Variants in ELMOD3 observed in about 807,000 individuals in gnomAD.
ELMOD3 encodes the protein ELMO domain containing 3.
A neutral mutation model predicts 47.4 loss-of-function variants in ELMOD3; 36 were observed. That is an observed-to-expected ratio of 0.76 (90% CI 0.58 to 1.00). The LOEUF (loss-of-function observed/expected upper bound fraction) is 1.00. Among genes scored for constraint, ELMOD3 ranks in the 50% least tolerant of loss-of-function variants. The probability of loss-of-function intolerance (pLI) is 0.00; values close to 1 mark genes in which losing one functional copy is unlikely to be tolerated. For synonymous variants in ELMOD3, 149 were observed against 183.5 expected (o/e 0.81, Z 1.52); for missense variants, 404 against 463.8 (o/e 0.87, Z 1.18).
intron 6 of ELMOD3, chr2:85,367,482 G>A (rs1037864577): frequency 1.3e-5 from 2 of 152,240 alleles, no homozygotes; most frequent in Non-Finnish European, 2.9e-5. Context: ...CTGGGGCAAA[G>A]CTAGAGAGGT....
intron 11 of ELMOD3, among the ~76,000 whole-genome samples, chr2:85,380,561 G>A (rs1259587795): frequency 7.3e-6 from 1 of 137,668 alleles, no homozygotes; most frequent in Non-Finnish European, 1.7e-5. Flanking sequence ...CTCTTGCTCT[G>A]TCGCGCAGGG....
chr2:85,371,422 G>A lies in ELMOD3; in HGVS notation c.485-18G>A. 1 of 1,614,042 alleles carries A rather than the reference G, an allele frequency of 6.2e-7. No homozygotes were observed. The highest frequency in any genetic ancestry group is 8.5e-7 in the Non-Finnish European group (1 of 1,179,956). ...TGAGGGGCAATCTGGCAGAGAGTGT[G>A]GGTGTGTTTTGGGGCAGGTGGCCTG... On this transcript the variant is annotated intron_variant, in intron 9 of 13. Coordinates refer to ENST00000409013, the MANE Select transcript of ELMOD3 (RefSeq NM_001135022.2).
intron 11 of ELMOD3, among the ~76,000 whole-genome samples, chr2:85,382,080 G>A (rs1164172904): frequency 7.6e-6 from 1 of 131,880 alleles, no homozygotes; most frequent in East Asian, 2.2e-4. Flanking sequence ...TCTTGCCACT[G>A]CACTCCAGCC....
At position 85,390,141 on chromosome 2, in the gene ELMOD3, G is replaced by C. The variant is rs1197900923; in HGVS notation, c.819G>C (p.Glu273Asp). ...TCACCTTGCCTTTTTCCTGCAGAGA[G>C]TGTAATCGGCAGCAGAAGGTCATCC... is the stretch of plus-strand genomic sequence containing the variant. The part of the protein sequence containing the change: ...QALREECLSR[E>D]CNRQQKVIPV... The change falls in exon 13 of 14, where the codon GAG becomes GAC. Residue 273 changes from glutamate to aspartate, a missense_variant. Coordinates refer to ENST00000409013, the MANE Select transcript of ELMOD3 (RefSeq NM_001135022.2). 2 of 1,613,858 alleles carry C rather than the reference G, an allele frequency of 1.2e-6. No homozygotes were observed. Among genetic ancestry groups the C allele is most frequent in the South Asian group, 1.1e-5 (1 of 91,074 alleles).
At chr2:85,378,541 G>C (rs1461347495) in intron 11 of ELMOD3, among the ~76,000 whole-genome samples, 1 of 152,186 alleles carries the variant, frequency 6.6e-6, no homozygotes, top group African/African-American at 2.4e-5. Flanking sequence ...GCAGGGAGGG[G>C]ACTTTCAGGT....
chr2:85,380,252 T>C (rs1384673268), intron 11 of ELMOD3, among the ~76,000 whole-genome samples: 2 of 152,252 alleles, frequency 1.3e-5, no homozygotes, highest in Non-Finnish European at 1.5e-5. Flanking sequence ...ATTTTGGTCA[T>C]AGCAGTATAC....
chr2:85,359,342 A>G (rs540141745), intron 4 of ELMOD3, among the ~76,000 whole-genome samples: 1 of 151,074 alleles, frequency 6.6e-6, no homozygotes, highest in Non-Finnish European at 1.5e-5. Flanking sequence ...GCCAATGTAC[A>G]TGTTATCAGA....
intron 11 of ELMOD3, 129 bp from the exon 12 acceptor site, chr2:85,389,622 G>A: frequency 1.5e-6 from 1 of 682,552 alleles, no homozygotes; most frequent in East Asian, 2.7e-5. Context: ...GGAAAATTAA[G>A]TGGAAGCAAT....
intron 6 of ELMOD3, among the ~76,000 whole-genome samples, chr2:85,367,109 A>G (rs1423545117): frequency 1.3e-5 from 2 of 152,132 alleles, no homozygotes; most frequent in Non-Finnish European, 2.9e-5. Context: ...TCATTCATTC[A>G]TCAAACATTT....
At chr2:85,363,953 C>A (rs1049029980) in intron 6 of ELMOD3, among the ~76,000 whole-genome samples, 1 of 152,034 alleles carries the variant, frequency 6.6e-6, no homozygotes, top group Non-Finnish European at 1.5e-5. Flanking sequence ...AACCACATCA[C>A]CGTCTCTACT....
In ELMOD3 at chr2:85,369,815, C is replaced by T; in HGVS notation, c.345C>T (p.Asp115=). 1 of 1,614,040 alleles carries T rather than the reference C, an allele frequency of 6.2e-7. No homozygotes were observed. Among genetic ancestry groups the T allele is most frequent in the Non-Finnish European group, 8.5e-7 (1 of 1,179,954 alleles). ...CCCTGCAGCACTTCCAGACTGTGGA[C>T]CTTTCCCCCTTCAAGGTATGAGGGT... ...SEALQHFQTV[D]LSPFKKRIQP... The change falls in exon 8 of 14, where the codon GAC becomes GAT. Residue 115 remains aspartate (D), a synonymous_variant. Coordinates refer to ENST00000409013, the MANE Select transcript of ELMOD3 (RefSeq NM_001135022.2).
In ELMOD3 at chr2:85,356,973, G is replaced by T; in HGVS notation, c.-226G>T. The T allele has an allele frequency of 2.5e-6, 1 of 402,650 alleles. No individual in the cohort carries two copies. Among genetic ancestry groups the T allele is most frequent in the Non-Finnish European group, 4.4e-6 (1 of 227,088 alleles). 24.9% of individuals were successfully genotyped at this position (402,650 alleles called of 1,614,324 possible). On this transcript the variant is annotated 5_prime_UTR_variant, in exon 4 of 14. It adds an upstream start codon to the 5' untranslated region. Transcript: ENST00000409013. ...TTTTTTTTCTTTTGTGCAGAGCTGA[G>T]GCTTCGAAGACCTCAGAGGACTTCT...
chr2:85,364,102 C>T (rs561206127), intron 6 of ELMOD3, among the ~76,000 whole-genome samples: 1 of 152,040 alleles, frequency 6.6e-6, no homozygotes, highest in South Asian at 2.1e-4. Flanking sequence ...GCACCCATAC[C>T]TGGCCACTAG....
intron 4 of ELMOD3, among the ~76,000 whole-genome samples, chr2:85,361,232 G>T (rs1438218150): frequency 6.6e-6 from 1 of 152,190 alleles, no homozygotes; most frequent in Non-Finnish European, 1.5e-5. Flanking sequence ...CTGTAGCAGG[G>T]GATAGGTTTG....
intron 10 of ELMOD3, among the ~76,000 whole-genome samples, chr2:85,375,322 A>C (rs961330378): frequency 2.0e-5 from 3 of 152,090 alleles, no homozygotes; most frequent in African/African-American, 7.2e-5. Context: ...ATCTTTGTTC[A>C]TTTTTTAAAA....
At chr2:85,370,420 A>T (rs1245906902) in intron 8 of ELMOD3, among the ~76,000 whole-genome samples, 1 of 111,710 alleles carries the variant, frequency 9.0e-6, no homozygotes, top group South Asian at 3.3e-4. Flanking sequence ...CTGTCTCCGT[A>T]AAAAAAAAAA....
intron 13 of ELMOD3, 97 bp downstream of exon 13, chr2:85,390,362 T>G: frequency 1.9e-6 from 3 of 1,614,124 alleles, no homozygotes; most frequent in Non-Finnish European, 2.5e-6. Context: ...GCTGCAGTTC[T>G]TCCCCATCCA....
At chr2:85,371,623 A>G in intron 10 of ELMOD3, 61 bp downstream of exon 10, 1 of 1,603,958 alleles carries the variant, frequency 6.2e-7, no homozygotes, top group Non-Finnish European at 8.5e-7. Flanking sequence ...CTAGAGTGAG[A>G]GGCCAGGTCG....
rs112857214 is a variant in ELMOD3 at position 85,371,121 on chromosome 2, C to T, written c.396C>T (p.Leu132=). 4.7e-5 allele frequency: 76 copies of T among 1,614,216 alleles called. No homozygotes were observed. In the African/African-American group the frequency reaches 5.9e-4, roughly 12 times the overall value. ...RIQPTIRRTG[L]AALRHYLFGP... ...AGCCAACTATTCGAAGGACTGGGCT[C>T]GCCGCCCTCCGACACTACCTCTTCG... Residue 132 remains leucine (L), a synonymous_variant, in exon 9 of 14, where the codon CTC becomes CTT. Coordinates refer to ENST00000409013, the MANE Select transcript of ELMOD3 (RefSeq NM_001135022.2).
Sources: gnomAD v4.1 joint callset for allele counts (sites outside exome capture counted in the v4.1 genomes callset) on GRCh38, gnomAD v4.1.1 for gene constraint, MANE v1.5 for transcripts, NCBI Gene and HGNC (gene_info 2026-07-23, HGNC 2026-07-21) for gene names.